Variants in NOTCH2NLC observed in about 807,000 individuals in gnomAD.
The protein encoded by NOTCH2NLC is notch homolog 2 N-terminal-like protein C.
A neutral mutation model predicts 17.7 loss-of-function variants in NOTCH2NLC; 4 were observed. The observed-to-expected ratio is 0.23, with a 90% CI of 0.11 to 0.52. The LOEUF (loss-of-function observed/expected upper bound fraction) is 0.52. Among genes scored for constraint, NOTCH2NLC ranks in the 20% least tolerant of loss-of-function variants. The pLI is 0.96. For missense variants in NOTCH2NLC, 57 were observed against 207.2 expected, an observed-to-expected ratio of 0.28 and a Z score of 4.45; for synonymous variants, 18 against 86.0, an observed-to-expected ratio of 0.21 and a Z score of 4.38.
chr1:149,415,153 C>A (rs1460600985), intron 1 of NOTCH2NLC, among the ~76,000 whole-genome samples: 1 of 114,386 alleles, frequency 8.7e-6, no homozygotes, highest in Non-Finnish European at 1.8e-5. Flanking sequence ...AGTCTTTCCA[C>A]CTTAACTAGC....
intron 2 of NOTCH2NLC, among the ~76,000 whole-genome samples, chr1:149,455,053 G>A (rs2084608919): frequency 8.2e-6 from 1 of 121,404 alleles, no homozygotes; most frequent in African/African-American, 3.2e-5. Context: ...TTTGAATAAG[G>A]GTCATGTTGA....
intron 2 of NOTCH2NLC, among the ~76,000 whole-genome samples, chr1:149,448,827 G>T (rs1187157639): frequency 7.1e-6 from 1 of 141,316 alleles, no homozygotes; most frequent in African/African-American, 2.6e-5. Context: ...TGAAGCACAC[G>T]CACTCTAGAG....
In NOTCH2NLC at chr1:149,461,189, C is replaced by A. The variant is rs1393951338; in HGVS notation, c.470-2302C>A. ...ACCACAAGTGATCTGCCCACCTCAG[C>A]CTCCCAAAGTGCTGGGATTACAGGC... On this transcript the variant is annotated intron_variant, in intron 3 of 4. Transcript: ENST00000650865. 6.7e-5 allele frequency among the ~76,000 whole-genome samples: 10 copies of A among 149,890 alleles called. 1 individual carries two copies. The highest frequency in any genetic ancestry group is 1.2e-4 in the Non-Finnish European group (8 of 67,234).
chr1:149,436,768 T>G (rs2084485019), intron 2 of NOTCH2NLC, among the ~76,000 whole-genome samples: 1 of 148,488 alleles, frequency 6.7e-6, no homozygotes, highest in Non-Finnish European at 1.5e-5. Flanking sequence ...ACGGTGCCTA[T>G]TTAGCTGAAC....
chr1:149,421,407 G>C (rs2084378528), intron 1 of NOTCH2NLC, among the ~76,000 whole-genome samples: 4 of 147,924 alleles, frequency 2.7e-5, no homozygotes, highest in Admixed American at 1.3e-4. Flanking sequence ...GCTGAGGCAG[G>C]AGAATGGCGT....
chr1:149,433,948 CAAAA>C (rs1167291606), intron 2 of NOTCH2NLC, among the ~76,000 whole-genome samples: 1 of 105,186 alleles, frequency 9.5e-6, no homozygotes. Context: ...ACTGTGTCTC[CAAAA>C]AAAAAAAAAA....
intron 2 of NOTCH2NLC, among the ~76,000 whole-genome samples, chr1:149,437,755 G>A (rs1181533771): frequency 4.4e-4 from 66 of 149,982 alleles, no homozygotes; most frequent in Middle Eastern, 3.5e-3. Context: ...GAGCCACCAC[G>A]CCCAGCTGAG....
chr1:149,422,699 AC>A (rs1229822399), intron 1 of NOTCH2NLC, among the ~76,000 whole-genome samples: 3 of 113,516 alleles, frequency 2.6e-5, no homozygotes, highest in African/African-American at 1.0e-4. Flanking sequence ...GATTTTTCAA[AC>A]CTTATATTTC....
chr1:149,408,677 T>C (rs1188449392), intron 1 of NOTCH2NLC: 2 of 952,382 alleles, frequency 2.1e-6, no homozygotes, highest in African/African-American at 3.5e-5. Context: ...ATTAACAAAC[T>C]CACATTTTAC....
At chr1:149,435,899 A>T (rs1407107287) in intron 2 of NOTCH2NLC, among the ~76,000 whole-genome samples, 4 of 149,422 alleles carry the variant, frequency 2.7e-5, no homozygotes, top group African/African-American at 9.9e-5. Flanking sequence ...CCTTCACGAT[A>T]AAAAAAAACA....
chr1:149,417,154 G>C (rs1315144189), intron 1 of NOTCH2NLC, among the ~76,000 whole-genome samples: 3 of 118,550 alleles, frequency 2.5e-5, no homozygotes, highest in Non-Finnish European at 4.9e-5. Flanking sequence ...CTTTCGCCCA[G>C]GCTGGAGTGC....
At chr1:149,417,258 C>T (rs1209305556) in intron 1 of NOTCH2NLC, among the ~76,000 whole-genome samples, 8 of 149,908 alleles carry the variant, frequency 5.3e-5, no homozygotes, top group South Asian at 4.2e-4. Context: ...TACAGGTGCC[C>T]GCCACCACGC....
Position 149,446,512 on chromosome 1 carries a change from G to T in NOTCH2NLC, c.210-8806G>T, listed in dbSNP as rs1379380542. On this transcript the variant is annotated intron_variant, in intron 2 of 4. Transcript: ENST00000650865. ...CAGAAATGACACTTTTTTTTTTTTT[G>T]AGATGGGGTTCTCACCATGTTGCCC... is the stretch of plus-strand genomic sequence containing the variant. 2.5e-4 allele frequency among the ~76,000 whole-genome samples: 36 copies of T among 144,838 alleles called. 1 individual carries two copies. The highest frequency in any genetic ancestry group is 7.6e-4 in the African/African-American group (30 of 39,284).
At chr1:149,399,385 ATCTAT>A (rs2084230817) in intron 1 of NOTCH2NLC, among the ~76,000 whole-genome samples, 2 of 131,610 alleles carry the variant, frequency 1.5e-5, no homozygotes, top group African/African-American at 5.8e-5. Context: ...TTACTCACTA[ATCTAT>A]TCTGTTGAGT....
rs1186239021 is a variant in NOTCH2NLC, at chr1:149,462,728, C to T, written c.470-763C>T. On this transcript the variant is annotated intron_variant, in intron 3 of 4. Transcript: ENST00000650865. ...AGCAAACTTGGTGTATCTGTGTTTG[C>T]GCACATGTATGTATGTGAGGGGCAC... is the stretch of plus-strand genomic sequence containing the variant. Among the ~76,000 whole-genome samples the T allele has an allele frequency of 1.7e-3, 255 of 149,740 alleles. 12 individuals carry two copies. The highest frequency in any genetic ancestry group is 2.3e-3 in the Non-Finnish European group (157 of 67,166).
At chr1:149,417,396 C>T (rs1371904029) in intron 1 of NOTCH2NLC, among the ~76,000 whole-genome samples, 4 of 151,194 alleles carry the variant, frequency 2.6e-5, no homozygotes, top group African/African-American at 9.7e-5. Flanking sequence ...GCGTGAGCCA[C>T]CGCGCCCGGC....
chr1:149,419,000 CT>C (rs1319365309), intron 1 of NOTCH2NLC, among the ~76,000 whole-genome samples: 1 of 148,724 alleles, frequency 6.7e-6, no homozygotes, highest in Non-Finnish European at 1.5e-5. Context: ...CTTTCTTTTG[CT>C]TCCTTCCTCT....
rs1382596561 is a variant in NOTCH2NLC, at chr1:149,471,295, A to C, written c.*7142A>C. 6.6e-6 allele frequency among the ~76,000 whole-genome samples: 1 copy of C among 150,732 alleles called. No individual in the cohort carries two copies. The highest frequency in any genetic ancestry group is 1.5e-5 in the Non-Finnish European group (1 of 67,458). ...GTACTGTCTTTTCACATTCTTGATG[A>C]TATACTTTTCAGCCCAAATGTTTTT... On this transcript the variant is annotated 3_prime_UTR_variant, in exon 5 of 5. Transcript: ENST00000650865.
In NOTCH2NLC at chr1:149,412,132, A is replaced by C. The variant is rs2084301417; in HGVS notation, c.136-18810A>C. 6.4e-5 allele frequency among the ~76,000 whole-genome samples: 8 copies of C among 124,522 alleles called. 3 individuals carry two copies. The highest frequency in any genetic ancestry group is 6.3e-4 in the Admixed American group (8 of 12,770). 81.7% of individuals were successfully genotyped at this position (124,522 alleles called of 152,430 possible). A position where few individuals can be genotyped will look rare whatever the true frequency, so the allele number is the denominator to read the frequency against. On this transcript the variant is annotated intron_variant, in intron 1 of 4. Transcript: ENST00000650865. ...TCCTGTCTCCAAAAAAAAAAAAAAC[A>C]AAAAAAAAACAAAAAAAAGTGGTAT... is the stretch of plus-strand genomic sequence containing the variant.
Sources: allele counts gnomAD v4.1 joint callset (sites outside exome capture counted in the v4.1 genomes callset), GRCh38; gene constraint gnomAD v4.1.1; transcripts MANE v1.5; gene names NCBI Gene and HGNC (gene_info 2026-07-23, HGNC 2026-07-21).